The following PRDM1 variants were observed in gnomAD, a reference collection of about 807,000 sequenced individuals.
The protein encoded by PRDM1 is PR domain zinc finger protein 1.
Under a neutral mutation model 62.8 loss-of-function variants are expected in PRDM1, and 13 were observed. The observed-to-expected ratio is 0.21, with a 90% CI of 0.13 to 0.33. The LOEUF is 0.33. PRDM1 is among the 10% of genes least tolerant of loss of function. The probability of loss-of-function intolerance (pLI) is 1.00; values close to 1 mark genes in which losing one functional copy is unlikely to be tolerated. For missense variants in PRDM1, 895 were observed against 1,058.8 expected (o/e 0.85, Z 2.15); for synonymous variants, 396 against 417.6 (o/e 0.95, Z 0.63).
At position 106,103,563 on chromosome 6, in the gene PRDM1, T is replaced by C. The variant is rs150581510; in HGVS notation, c.665-1262T>C. ...ATCAGAGCTCAAACTAAACATCGTA[T>C]GTTTTACTTTTGGTTTCCAGGCAAG... is the stretch of plus-strand genomic sequence containing the variant. On this transcript the variant is annotated intron_variant, in intron 4 of 6. Transcript: ENST00000369096. 6.9e-3 allele frequency among the ~76,000 whole-genome samples: 1,052 copies of C among 152,266 alleles called. 17 individuals are homozygous for C. The highest frequency in any genetic ancestry group is 0.024 in the African/African-American group (977 of 41,524).
At chr6:106,015,204 G>T (rs1772604818) in intron 1 of PRDM1, among the ~76,000 whole-genome samples, 1 of 152,220 alleles carries the variant, frequency 6.6e-6, no homozygotes, top group Non-Finnish European at 1.5e-5. Context: ...TTTACACATT[G>T]TAAACTTTTC....
upstream of PRDM1, among the ~76,000 whole-genome samples, chr6:106,043,574 C>T (rs1252031218): frequency 6.6e-6 from 1 of 152,076 alleles, no homozygotes; most frequent in Non-Finnish European, 1.5e-5. Flanking sequence ...ACTCTTGTTG[C>T]CCAGGCTGGA....
At position 106,107,473 on chromosome 6, in the gene PRDM1, C is replaced by T. The variant is rs772153085; in HGVS notation, c.2465C>T (p.Pro822Leu). 1.9e-6 allele frequency: 3 copies of T among 1,595,976 alleles called. No homozygotes were observed. In the East Asian group the frequency reaches 6.7e-5, roughly 36 times the overall value. The change falls in exon 7 of 7, where the codon CCA (proline) becomes CTA (leucine). Residue 822 changes from proline to leucine, a missense_variant. By Grantham distance (98) the Pro-to-Leu change is moderately conservative. Around this residue, in one of 4 missense-constraint regions of PRDM1, gnomAD observed 164 missense variants for 179.9 expected, o/e 0.91. Transcript: ENST00000369096. ...PVKVKQETVE[P>L]MDP is the part of the protein sequence containing the mutation. Reference sequence around the variant, plus strand: ...AAGGTCAAACAAGAAACAGTTGAACCAATGGATCCTTAAGATTTTCAGAAA... The same window carrying T: ...AAGGTCAAACAAGAAACAGTTGAACTAATGGATCCTTAAGATTTTCAGAAA...
intron 1 of PRDM1, among the ~76,000 whole-genome samples, chr6:106,016,203 C>T (rs1335719299): frequency 1.3e-5 from 2 of 152,102 alleles, no homozygotes; most frequent in Admixed American, 6.5e-5. Flanking sequence ...GTATGGATTG[C>T]CACATTTTGT....
chr6:106,050,950 G>T (rs1228436553), intron 1 of PRDM1, among the ~76,000 whole-genome samples: 1 of 152,132 alleles, frequency 6.6e-6, no homozygotes, highest in African/African-American at 2.4e-5. Flanking sequence ...TGCTTAGAAA[G>T]AAATATATAA....
chr6:106,037,172 G>A (rs138765657), intron 1 of PRDM1, among the ~76,000 whole-genome samples: 214 of 152,244 alleles, frequency 1.4e-3, no homozygotes, highest in African/African-American at 5.0e-3. Context: ...TCTTGGCTGA[G>A]GGTTTTTGTT....
chr6:105,994,755 C>T lies in PRDM1; in HGVS notation c.-67+1116C>T, dbSNP rs537791677. 1.3e-5 allele frequency among the ~76,000 whole-genome samples: 2 copies of T among 152,318 alleles called. No homozygotes were observed. Among genetic ancestry groups the T allele is most frequent in the Admixed American group, 1.3e-4 (2 of 15,296 alleles). On this transcript the variant is annotated intron_variant, in intron 1 of 6. Transcript: ENST00000652320. The surrounding 1 kb of genome is among the most constrained non-coding windows in gnomAD (Gnocchi z 4.1). Reference sequence around the variant, plus strand: ...AAAGCATCAGTCCTGCCCGTAACTTCCTAACGACATCTTCTTGGAGCAGAT... The same window carrying T: ...AAAGCATCAGTCCTGCCCGTAACTTTCTAACGACATCTTCTTGGAGCAGAT...
At chr6:106,021,778 G>A (rs575192546) in intron 1 of PRDM1, among the ~76,000 whole-genome samples, 146 of 152,166 alleles carry the variant, frequency 9.6e-4, no homozygotes, top group Non-Finnish European at 1.8e-3. Context: ...GCGCCACCAC[G>A]CCCGGCTAAT....
chr6:106,052,571 T>A (rs1773194605), intron 1 of PRDM1, among the ~76,000 whole-genome samples: 1 of 152,144 alleles, frequency 6.6e-6, no homozygotes, highest in African/African-American at 2.4e-5. Flanking sequence ...TTGTTTTGGA[T>A]CCTCTGTTGG....
At position 106,027,024 on chromosome 6, in the gene PRDM1, C is replaced by G. The variant is rs549796892; in HGVS notation, c.-67+33385C>G. ...TTGCATCAGTTCCCTCTCTCAGCCC[C>G]CAGTACTCCCACGTTGTTGAAATTC... On this transcript the variant is annotated intron_variant, in intron 1 of 6. Transcript: ENST00000652320. Among the ~76,000 whole-genome samples, 6 of 152,334 alleles carry G rather than the reference C, an allele frequency of 3.9e-5. No homozygotes were observed. The East Asian group carries it at 1.2e-3, about 29-fold the overall frequency.
chr6:106,008,234 G>A (rs1238676406), intron 1 of PRDM1, among the ~76,000 whole-genome samples: 1 of 152,156 alleles, frequency 6.6e-6, no homozygotes, highest in Non-Finnish European at 1.5e-5. Flanking sequence ...TTAGCTGGGC[G>A]TGGTGGCGCG....
At chr6:106,012,694 C>T (rs1772572998) in intron 1 of PRDM1, among the ~76,000 whole-genome samples, 1 of 152,132 alleles carries the variant, frequency 6.6e-6, no homozygotes, top group Non-Finnish European at 1.5e-5. Flanking sequence ...TCTCCCAGCA[C>T]CTGCCCCAGA....
chr6:106,031,892 C>T (rs1772848860), intron 1 of PRDM1, among the ~76,000 whole-genome samples: 1 of 152,064 alleles, frequency 6.6e-6, no homozygotes, highest in Admixed American at 6.6e-5. Flanking sequence ...GATTCCCATC[C>T]CAGTTTTGTT....
At chr6:106,048,863 C>G (rs141223732) in intron 1 of PRDM1, among the ~76,000 whole-genome samples, 2 of 151,656 alleles carry the variant, frequency 1.3e-5, no homozygotes, top group South Asian at 4.2e-4. Flanking sequence ...GAGTCTTGCT[C>G]TGTCCCCCAG....
chr6:106,085,837 A>G (rs1441402234), upstream of PRDM1, among the ~76,000 whole-genome samples: 1 of 120,362 alleles, frequency 8.3e-6, no homozygotes, highest in African/African-American at 3.1e-5. Flanking sequence ...GGAGAAACGG[A>G]ATGTTACAAC....
At chr6:106,085,922 A>G (rs1159271912), upstream of PRDM1, among the ~76,000 whole-genome samples, 1 of 152,072 alleles carries the variant, frequency 6.6e-6, no homozygotes, top group Non-Finnish European at 1.5e-5. Context: ...ACTGTATTAC[A>G]CTAGCTGCAA....
intron 1 of PRDM1, among the ~76,000 whole-genome samples, chr6:105,998,911 ATATATATATATATATATATATATTTTTT>A (rs1288528150): frequency 0.022 from 1,271 of 57,792 alleles, 45 homozygotes; most frequent in African/African-American, 0.068. Flanking sequence ...ATATATATAT[ATATATATATATATATATATATATTTTTT>A]TTTTTTTTTT....
At chr6:106,034,345 T>C (rs1000737757) in intron 1 of PRDM1, among the ~76,000 whole-genome samples, 1 of 152,080 alleles carries the variant, frequency 6.6e-6, no homozygotes, top group African/African-American at 2.4e-5. Flanking sequence ...TATAGTTAGG[T>C]TGTTGATTTA....
At chr6:106,006,394 T>C (rs1562142771) in intron 1 of PRDM1, among the ~76,000 whole-genome samples, 1 of 152,074 alleles carries the variant, frequency 6.6e-6, no homozygotes, top group East Asian at 1.9e-4. Context: ...CAGACCCCTA[T>C]CTAATGAGCT....
Sources: allele counts gnomAD v4.1 joint callset (sites outside exome capture counted in the v4.1 genomes callset), GRCh38; gene constraint gnomAD v4.1.1; regional missense constraint gnomAD v4.1.1; non-coding constraint Gnocchi (gnomAD v3.1); transcripts MANE v1.5; gene names NCBI Gene and HGNC (gene_info 2026-07-23, HGNC 2026-07-21).